Variants in NKAIN2 observed in about 807,000 individuals in gnomAD.
NKAIN2 encodes the protein sodium/potassium transporting ATPase interacting 2.
In NKAIN2, 14 loss-of-function variants were observed where a neutral mutation model predicts 32.6. That is an observed-to-expected ratio of 0.43 (90% CI 0.28 to 0.67). NKAIN2 has a LOEUF of 0.67. Ranked by LOEUF, NKAIN2 falls within the 30% of genes least tolerant of loss-of-function variation. NKAIN2 has a pLI of 0.17. For missense variants in NKAIN2, 198 were observed against 258.3 expected (o/e 0.77, Z 1.60); for synonymous variants, 80 against 87.2 (o/e 0.92, Z 0.46).
At chr6:124,465,258 T>G (rs1450498336) in intron 3 of NKAIN2, among the ~76,000 whole-genome samples, 4 of 152,034 alleles carry the variant, frequency 2.6e-5, no homozygotes, top group African/African-American at 9.7e-5. Flanking sequence ...GTAGACTGGA[T>G]AAAGACAATG....
chr6:124,710,946 C>T (rs558426903), intron 4 of NKAIN2, among the ~76,000 whole-genome samples: 3 of 151,118 alleles, frequency 2.0e-5, no homozygotes, highest in African/African-American at 7.3e-5. Flanking sequence ...TACGTTTTGG[C>T]ATGATTTTGC....
chr6:124,558,170 T>A (rs895078431), intron 3 of NKAIN2, among the ~76,000 whole-genome samples: 2 of 152,248 alleles, frequency 1.3e-5, no homozygotes, highest in African/African-American at 4.8e-5. Context: ...GATGAAGTTA[T>A]TTTAAAAAGG....
At chr6:124,688,133 C>T (rs73770532) in intron 4 of NKAIN2, among the ~76,000 whole-genome samples, 10,514 of 151,998 alleles carry the variant, frequency 0.069, 562 homozygotes, top group African/African-American at 0.15. Flanking sequence ...TGTTAATTTA[C>T]TTTTTTTCTG....
At chr6:124,140,031 G>A (rs1159504285) in intron 1 of NKAIN2, among the ~76,000 whole-genome samples, 4 of 152,066 alleles carry the variant, frequency 2.6e-5, no homozygotes, top group Non-Finnish European at 4.4e-5. Flanking sequence ...GAGCTTCAGC[G>A]AACACAAGTA....
intron 1 of NKAIN2, among the ~76,000 whole-genome samples, chr6:123,978,463 A>G (rs1778742769): frequency 2.6e-5 from 4 of 152,178 alleles, no homozygotes; most frequent in Non-Finnish European, 5.9e-5. Flanking sequence ...AATTATTAAT[A>G]TAGTATCAGT....
intron 2 of NKAIN2, among the ~76,000 whole-genome samples, chr6:124,339,604 C>CATCT (rs1798036230): frequency 6.6e-6 from 1 of 152,188 alleles, no homozygotes; most frequent in African/African-American, 2.4e-5. Context: ...GTGAAATAGG[C>CATCT]ATCTACCTCC....
At chr6:124,408,364 A>G (rs1317015434) in intron 3 of NKAIN2, among the ~76,000 whole-genome samples, 1 of 152,136 alleles carries the variant, frequency 6.6e-6, no homozygotes, top group Non-Finnish European at 1.5e-5. Flanking sequence ...ATCTTGAATT[A>G]ATTTTTGTAT....
chr6:124,343,350 A>G (rs1172520674), intron 2 of NKAIN2, among the ~76,000 whole-genome samples: 1 of 151,202 alleles, frequency 6.6e-6, no homozygotes, highest in Non-Finnish European at 1.5e-5. Context: ...ATACCCAGTA[A>G]TGGGATGGCT....
intron 3 of NKAIN2, among the ~76,000 whole-genome samples, chr6:124,526,847 G>A (rs1173108598): frequency 6.6e-6 from 1 of 152,076 alleles, no homozygotes; most frequent in Non-Finnish European, 1.5e-5. Flanking sequence ...TAGTGTATGT[G>A]ATGAGTTTAT....
intron 3 of NKAIN2, among the ~76,000 whole-genome samples, chr6:124,480,231 G>A (rs564808852): frequency 6.6e-6 from 1 of 151,914 alleles, no homozygotes; most frequent in Admixed American, 6.6e-5. Context: ...ACATTGAGAG[G>A]CATTTCATTT....
At chr6:124,232,731 C>A (rs1792524390) in intron 1 of NKAIN2, among the ~76,000 whole-genome samples, 1 of 144,970 alleles carries the variant, frequency 6.9e-6, no homozygotes, top group Admixed American at 7.0e-5. Context: ...CCATCACTGG[C>A]AAAATGGCAT....
chr6:124,441,606 C>T (rs947644292), intron 3 of NKAIN2, among the ~76,000 whole-genome samples: 5 of 152,020 alleles, frequency 3.3e-5, no homozygotes, highest in Non-Finnish European at 7.4e-5. Context: ...AGCTGAGAGC[C>T]AGTATCTATT....
intron 3 of NKAIN2, among the ~76,000 whole-genome samples, chr6:124,477,275 G>T (rs1168976870): frequency 6.6e-6 from 1 of 152,094 alleles, no homozygotes; most frequent in Admixed American, 6.5e-5. Context: ...AGTTTCTAAT[G>T]CAGAGCTTCC....
chr6:124,237,349 CT>C (rs1003838949), intron 1 of NKAIN2, among the ~76,000 whole-genome samples: 1 of 151,916 alleles, frequency 6.6e-6, no homozygotes, highest in Non-Finnish European at 1.5e-5. Context: ...CTAGGGATAA[CT>C]TTTTTTTGTT....
chr6:124,045,632 C>G (rs1562326655), intron 1 of NKAIN2, among the ~76,000 whole-genome samples: 1 of 151,926 alleles, frequency 6.6e-6, no homozygotes, highest in African/African-American at 2.4e-5. Context: ...AGCCTAGTAA[C>G]CTTTGTCTGC....
intron 6 of NKAIN2, 119 bp from the exon 7 acceptor site, chr6:124,823,101 G>T: frequency 2.6e-6 from 2 of 783,756 alleles, no homozygotes; most frequent in South Asian, 2.9e-5. Context: ...ACCCAATTTG[G>T]GCTTCTTTTT....
intron 3 of NKAIN2, among the ~76,000 whole-genome samples, chr6:124,495,952 G>C (rs188091738): frequency 1.8e-4 from 28 of 152,252 alleles, no homozygotes; most frequent in African/African-American, 6.7e-4. Context: ...TAAACTTCAT[G>C]ATGACAAGAA....
At chr6:124,085,546 A>G (rs1159147676) in intron 1 of NKAIN2, among the ~76,000 whole-genome samples, 1 of 151,554 alleles carries the variant, frequency 6.6e-6, no homozygotes, top group African/African-American at 2.4e-5. Flanking sequence ...GGTGAGTGGA[A>G]CACTTTTCTT....
intron 1 of NKAIN2, among the ~76,000 whole-genome samples, chr6:123,867,469 A>G (rs1340865026): frequency 1.3e-5 from 2 of 152,236 alleles, no homozygotes; most frequent in Non-Finnish European, 2.9e-5. Context: ...TGCACAAGTT[A>G]TATAGTTCTC....
Sources: allele counts gnomAD v4.1 joint callset (sites outside exome capture counted in the v4.1 genomes callset), GRCh38; gene constraint gnomAD v4.1.1; transcripts MANE v1.5; gene names NCBI Gene and HGNC (gene_info 2026-07-23, HGNC 2026-07-21).